TMEM233: variants seen among roughly 807,000 people sequenced by gnomAD.
The protein encoded by TMEM233 is transmembrane protein 233, also known as dispanin subfamily B member 2.
A neutral mutation model predicts 11.2 loss-of-function variants in TMEM233; 6 were observed. The observed-to-expected ratio is 0.54, with a 90% CI of 0.29 to 1.06. The LOEUF (loss-of-function observed/expected upper bound fraction) is 1.06, where lower values mean the gene tolerates loss of function less well. Ranked by LOEUF, TMEM233 falls within the 50% of genes least tolerant of loss-of-function variation. The pLI is 0.08. For missense variants in TMEM233, 127 were observed against 144.7 expected, an observed-to-expected ratio of 0.88 and a Z score of 0.63; for synonymous variants, 59 against 55.8, an observed-to-expected ratio of 1.06 and a Z score of -0.26.
In TMEM233 at chr12:119,633,195, T is replaced by C. The variant is rs143540986; in HGVS notation, c.323+3323T>C. Among the ~76,000 whole-genome samples the C allele has an allele frequency of 6.7e-3, 1,025 of 152,292 alleles. 15 individuals are homozygous for C. The highest frequency in any genetic ancestry group is 0.023 in the African/African-American group (969 of 41,562). The stretch of plus-strand genomic sequence containing the variant: ...TATCTGGGCAAATTATTAAACTCTC[T>C]GTGCCTCAATTTCCCTAACTATAAA... On this transcript the variant is annotated intron_variant, in intron 2 of 2. Transcript: ENST00000426426.
At chr12:119,639,556 A>C (rs1189599349) in intron 2 of TMEM233, among the ~76,000 whole-genome samples, 2 of 151,886 alleles carry the variant, frequency 1.3e-5, no homozygotes, top group African/African-American at 4.8e-5. Context: ...CAGGAGGTGG[A>C]GGTTGCAGTG....
chr12:119,647,469 G>A (rs944863493), downstream of TMEM233, among the ~76,000 whole-genome samples: 11 of 151,826 alleles, frequency 7.2e-5, no homozygotes, highest in South Asian at 2.1e-4. Flanking sequence ...TTTTGTCTTC[G>A]GAGTAAAAGA....
Position 119,594,106 on chromosome 12 carries a change from C to CGCGCGCTCTCTGCGGCTCCCTTCCTCACG in TMEM233, c.186+75_186+103dup. On this transcript the variant is annotated intron_variant, in intron 1 of 2. Coordinates refer to ENST00000426426, the MANE Select transcript of TMEM233 (RefSeq NM_001136534.3). This position sits in a 1 kb window ranked among gnomAD's most constrained non-coding sequence, Gnocchi z 5.6. ...GGCTTTGAGCCCCTGCAGGGGAGTC[C>CGCGCGCTCTCTGCGGCTCCCTTCCTCACG]GCGCGCTCTCTGCGGCTCCCTTCCT... 2 of 1,451,686 alleles carry CGCGCGCTCTCTGCGGCTCCCTTCCTCACG rather than the reference C, an allele frequency of 1.4e-6. No individual in the cohort carries two copies. Among genetic ancestry groups the CGCGCGCTCTCTGCGGCTCCCTTCCTCACG allele is most frequent in the Non-Finnish European group, 1.9e-6 (2 of 1,071,650 alleles). 89.9% of individuals were successfully genotyped at this position (1,451,686 alleles called of 1,614,324 possible).
Position 119,594,950 on chromosome 12 carries a change from G to T in TMEM233, c.186+916G>T, listed in dbSNP as rs1030720847. 5.3e-5 allele frequency among the ~76,000 whole-genome samples: 8 copies of T among 152,132 alleles called. No homozygotes were observed. ...TCCACCGCTCTGTCCTGCGCCCGGG[G>T]CTCTCCCGGGAATGAACTAGGGGAT... On this transcript the variant is annotated intron_variant, in intron 1 of 2. Transcript: ENST00000426426. This position sits in a 1 kb window ranked among gnomAD's most constrained non-coding sequence, Gnocchi z 5.6.
At chr12:119,611,895 G>A (rs1277329934) in intron 1 of TMEM233, among the ~76,000 whole-genome samples, 2 of 152,048 alleles carry the variant, frequency 1.3e-5, no homozygotes, top group African/African-American at 2.4e-5. Flanking sequence ...GAATATTAAT[G>A]CCAACCTCTC....
intron 1 of TMEM233, among the ~76,000 whole-genome samples, chr12:119,626,384 G>C (rs1465897033): frequency 6.6e-6 from 1 of 151,246 alleles, no homozygotes; most frequent in African/African-American, 2.4e-5. Flanking sequence ...GCGGGAGAAT[G>C]GCTTGAACCC....
intron 1 of TMEM233, among the ~76,000 whole-genome samples, chr12:119,623,133 A>T (rs1954679368): frequency 6.6e-6 from 1 of 152,174 alleles, no homozygotes; most frequent in Non-Finnish European, 1.5e-5. Flanking sequence ...CAGGTGATAG[A>T]TGTACCCTTC....
intron 1 of TMEM233, among the ~76,000 whole-genome samples, chr12:119,603,479 G>A (rs1366570988): frequency 6.6e-6 from 1 of 152,148 alleles, no homozygotes; most frequent in Non-Finnish European, 1.5e-5. Flanking sequence ...TGACTTTGAA[G>A]AATACCTTCA....
In TMEM233 at chr12:119,593,790, A is replaced by C; in HGVS notation, c.-59A>C. 1 of 1,488,860 alleles carries C rather than the reference A, an allele frequency of 6.7e-7. No homozygotes were observed. The highest frequency in any genetic ancestry group is 2.5e-5 in the East Asian group (1 of 39,978). 92.2% of individuals were successfully genotyped at this position (1,488,860 alleles called of 1,614,324 possible). A position where few individuals can be genotyped will look rare whatever the true frequency, so the allele number is the denominator to read the frequency against. On this transcript the variant is annotated 5_prime_UTR_variant, in exon 1 of 3. Coordinates refer to ENST00000426426, the MANE Select transcript of TMEM233 (RefSeq NM_001136534.3). The surrounding 1 kb of genome is among the most constrained non-coding windows in gnomAD (Gnocchi z 4.1). ...AGCCTCGCCACAAGCCGGCGGCCAG[A>C]GCCCCAGACCACACAGACCGTGCGC... is the stretch of plus-strand genomic sequence containing the variant.
At chr12:119,650,019 G>A in the TMEM233 span, among the ~76,000 whole-genome samples, 2 of 152,028 alleles carry the variant, frequency 1.3e-5, no homozygotes, top group Admixed American at 6.6e-5. Flanking sequence ...TTAGCCGGGC[G>A]CGGTGGCGGG....
chr12:119,644,416 T>C (rs1411458994), downstream of TMEM233, among the ~76,000 whole-genome samples: 1 of 151,724 alleles, frequency 6.6e-6, no homozygotes, highest in Non-Finnish European at 1.5e-5. Flanking sequence ...TTAAGCATGC[T>C]GCTTCTTACT....
intron 1 of TMEM233, among the ~76,000 whole-genome samples, chr12:119,604,751 A>C (rs1345392067): frequency 2.6e-5 from 4 of 152,092 alleles, no homozygotes; most frequent in Non-Finnish European, 5.9e-5. Context: ...CTCACACTTC[A>C]GTCTCCAAAG....
chr12:119,645,324 A>C (rs1955136471), downstream of TMEM233, among the ~76,000 whole-genome samples: 2 of 148,326 alleles, frequency 1.3e-5, no homozygotes, highest in East Asian at 3.9e-4. Flanking sequence ...AATTACCAAA[A>C]AAAAAAAAAA....
At chr12:119,649,887 G>A in the TMEM233 span, among the ~76,000 whole-genome samples, 1 of 148,270 alleles carries the variant, frequency 6.7e-6, no homozygotes. Context: ...GGCCGGGCGC[G>A]TTGGCTCACG....
downstream of TMEM233, among the ~76,000 whole-genome samples, chr12:119,643,522 A>G (rs571867606): frequency 4.3e-4 from 65 of 152,260 alleles, no homozygotes; most frequent in African/African-American, 1.6e-3. Context: ...TAATCCCAGC[A>G]CTTCGGGAGG....
At chr12:119,633,231 A>G (rs1419488130) in intron 2 of TMEM233, among the ~76,000 whole-genome samples, 1 of 152,098 alleles carries the variant, frequency 6.6e-6, no homozygotes, top group East Asian at 1.9e-4. Context: ...ATGAGAATTG[A>G]ATTATTTCCC....
In TMEM233 at chr12:119,634,738, A is replaced by G. The variant is rs531803217; in HGVS notation, c.323+4866A>G. 1.1e-4 allele frequency among the ~76,000 whole-genome samples: 16 copies of G among 152,374 alleles called. 1 individual carries two copies. In the South Asian group the frequency reaches 2.9e-3, roughly 28 times the overall value. On this transcript the variant is annotated intron_variant, in intron 2 of 2. Coordinates refer to ENST00000426426, the MANE Select transcript of TMEM233 (RefSeq NM_001136534.3). ...TTAAGAAAGCTGTAACCAATGTGTT[A>G]GAGAACAGATTGAAATCTCAAATGG...
chr12:119,643,767 CA>C (rs113473098), downstream of TMEM233, among the ~76,000 whole-genome samples: 1,854 of 119,286 alleles, frequency 0.016, 27 homozygotes, highest in African/African-American at 0.045. Flanking sequence ...GATTCCGTAT[CA>C]AAAAAAAAAA....
At position 119,593,813 on chromosome 12, in the gene TMEM233, C is replaced by G. The variant is rs769615334; in HGVS notation, c.-36C>G. 11 of 1,543,144 alleles carry G rather than the reference C, an allele frequency of 7.1e-6. No homozygotes were observed. Among genetic ancestry groups the G allele is most frequent in the Non-Finnish European group, 9.6e-6 (11 of 1,141,756 alleles). On this transcript the variant is annotated 5_prime_UTR_variant, in exon 1 of 3. Transcript: ENST00000426426. This position sits in a 1 kb window ranked among gnomAD's most constrained non-coding sequence, Gnocchi z 4.1. ...AGAGCCCCAGACCACACAGACCGTGCGCTCCTCCGCCCTCCCGGCGCCGCC... is the reference window on the plus strand; with the variant it reads ...AGAGCCCCAGACCACACAGACCGTGGGCTCCTCCGCCCTCCCGGCGCCGCC...
Sources: gnomAD v4.1 joint callset for allele counts (sites outside exome capture counted in the v4.1 genomes callset) on GRCh38, gnomAD v4.1.1 for gene constraint, Gnocchi (gnomAD v3.1) non-coding constraint, MANE v1.5 for transcripts, NCBI Gene and HGNC (gene_info 2026-07-23, HGNC 2026-07-21) for gene names.